Variants in PDCD11 observed in about 807,000 individuals in gnomAD.
The protein encoded by PDCD11 is protein RRP5 homolog.
Under a neutral mutation model 198.9 loss-of-function variants are expected in PDCD11, and 97 were observed. The observed-to-expected ratio is 0.49, with a 90% CI of 0.41 to 0.58. The LOEUF is 0.58. PDCD11 is among the 20% of genes least tolerant of loss of function. The pLI is 0.00. For synonymous variants in PDCD11, 893 were observed against 918.0 expected, an observed-to-expected ratio of 0.97 and a Z score of 0.49; for missense variants, 2,102 against 2,312.7, an observed-to-expected ratio of 0.91 and a Z score of 1.87.
rs748169961 is a variant in PDCD11, at chr10:103,419,698, C to G, written c.2267C>G (p.Ala756Gly). 1.2e-6 allele frequency: 2 copies of G among 1,613,624 alleles called. No individual in the cohort carries two copies. The highest frequency in any genetic ancestry group is 2.2e-5 in the South Asian group (2 of 90,994). The change falls in exon 16 of 36, where the codon GCC becomes GGC. Residue 756 changes from alanine (A) to glycine (G), a missense_variant. By Grantham distance (60) the Ala-to-Gly change is moderately conservative. Coordinates refer to ENST00000369797, the MANE Select transcript of PDCD11 (RefSeq NM_014976.2). ...IQFPSGLSGL[A>G]PKAIMSDKFV... ...TTCCCCTCAGGTCTTAGCGGACTGG[C>G]CCCAAAAGCTGTAAGTTCAACTCCA... is the stretch of plus-strand genomic sequence containing the variant.
Position 103,425,091 on chromosome 10 carries a change from T to C in PDCD11, c.2871T>C (p.Ser957=). The C allele has an allele frequency of 6.2e-7, 1 of 1,614,190 alleles. No homozygotes were observed. Among genetic ancestry groups the C allele is most frequent in the Non-Finnish European group, 8.5e-7 (1 of 1,180,022 alleles). The change falls in exon 20 of 36, where the codon TCT becomes TCC. Residue 957 remains serine, a synonymous_variant. Transcript: ENST00000369797. ...ACCTGGCAGCTTTCTCCCTGACCTC[T>C]CACCTCAACGACACCTTCCGCTTTG... ...TGHLAAFSLT[S]HLNDTFRFDS...
At chr10:103,433,348 T>C (rs1280093774) in intron 22 of PDCD11, among the ~76,000 whole-genome samples, 1 of 151,962 alleles carries the variant, frequency 6.6e-6, no homozygotes, top group Non-Finnish European at 1.5e-5. Flanking sequence ...TACAAAAATT[T>C]AGCCGGGCCT....
Position 103,421,579 on chromosome 10 carries a change from G to T in PDCD11, c.2497+12G>T. On this transcript the variant is annotated intron_variant, in intron 17 of 35. Transcript: ENST00000369797. Reference sequence around the variant, plus strand: ...TATGAGCAACCGAGGTGGGGCACCTGTGGGGCAGGGGAGGTGGGCCAGGGG... The same window carrying T: ...TATGAGCAACCGAGGTGGGGCACCTTTGGGGCAGGGGAGGTGGGCCAGGGG... 6.5e-7 allele frequency: 1 copy of T among 1,546,856 alleles called. No homozygotes were observed. The highest frequency in any genetic ancestry group is 2.2e-4 in the Middle Eastern group (1 of 4,614).
At position 103,440,372 on chromosome 10, in the gene PDCD11, G is replaced by C. The variant is rs2032328324; in HGVS notation, c.4231G>C (p.Glu1411Gln). Residue 1411 changes from glutamate (E) to glutamine (Q), a missense_variant, in exon 29 of 36, where the codon GAA becomes CAA. By Grantham distance (29) the Glu-to-Gln change is conservative. Coordinates refer to ENST00000369797, the MANE Select transcript of PDCD11 (RefSeq NM_014976.2). ...GKPDVLSASL[E>Q]GQLTKQEERK... Reference sequence around the variant, plus strand: ...GCCAGACGTGCTTTCTGCTTCCTTGGAAGGGCAACTTACAAAGCAAGAGGA... The same window carrying C: ...GCCAGACGTGCTTTCTGCTTCCTTGCAAGGGCAACTTACAAAGCAAGAGGA... The C allele has an allele frequency of 6.2e-7, 1 of 1,614,132 alleles. No homozygotes were observed. The highest frequency in any genetic ancestry group is 1.1e-5 in the South Asian group (1 of 91,092).
intron 26 of PDCD11, 143 bp from the exon 27 acceptor site, chr10:103,438,543 A>G: frequency 9.3e-7 from 1 of 1,077,564 alleles, no homozygotes; most frequent in Non-Finnish European, 1.3e-6. Context: ...AGGAGAGAGT[A>G]GAGTTGGGCT....
chr10:103,415,963 C>G (rs926467803), intron 12 of PDCD11, among the ~76,000 whole-genome samples: 1 of 152,220 alleles, frequency 6.6e-6, no homozygotes, highest in African/African-American at 2.4e-5. Flanking sequence ...TCGTTATTGA[C>G]TCAGCAGAGG....
intron 5 of PDCD11, 69 bp from the exon 6 acceptor site, chr10:103,405,916 G>C (rs1469701911): frequency 6.5e-7 from 1 of 1,534,398 alleles, no homozygotes; most frequent in Non-Finnish European, 8.9e-7. Flanking sequence ...GAACATTCAA[G>C]TTTGGATGTT....
rs1423676587 is a variant in PDCD11, at chr10:103,423,529, G to A, written c.2648-14G>A. ...GTTCCAGAAGGATAATCACACTGTG[G>A]TTCTGCACTGCAGGGCAGGAGGTGG... On this transcript the variant is annotated splice_polypyrimidine_tract_variant and intron_variant, in intron 18 of 35. Coordinates refer to ENST00000369797, the MANE Select transcript of PDCD11 (RefSeq NM_014976.2). 1.9e-6 allele frequency: 3 copies of A among 1,566,002 alleles called. No individual in the cohort carries two copies. The highest frequency in any genetic ancestry group is 3.3e-5 in the Admixed American group (2 of 59,956).
intron 27 of PDCD11, among the ~76,000 whole-genome samples, chr10:103,439,362 AAAAAT>A (rs2032283370): frequency 6.6e-6 from 1 of 152,214 alleles, no homozygotes; most frequent in Non-Finnish European, 1.5e-5. Context: ...ATTTAAATTA[AAAAAT>A]ACATAAATGT....
At chr10:103,444,797 A>C in intron 35 of PDCD11, 115 bp downstream of exon 35, 1 of 956,132 alleles carries the variant, frequency 1.0e-6, no homozygotes, top group African/African-American at 1.6e-5. Context: ...AACCAGCTAG[A>C]TGTGATGCCC....
At chr10:103,444,724 G>A (rs769924341) in intron 35 of PDCD11, 42 bp downstream of exon 35, 1 of 1,584,074 alleles carries the variant, frequency 6.3e-7, no homozygotes, top group South Asian at 1.1e-5. Context: ...CTCAGGAGAG[G>A]GCGTGGTAGG....
chr10:103,411,319 TCTTA>T (rs1206611595), intron 8 of PDCD11, among the ~76,000 whole-genome samples: 1 of 152,208 alleles, frequency 6.6e-6, no homozygotes, highest in Non-Finnish European at 1.5e-5. Flanking sequence ...TAAAATGATT[TCTTA>T]CTTTTCTTTT....
At chr10:103,418,332 A>G in intron 14 of PDCD11, 108 bp from the exon 15 acceptor site, 6 of 849,584 alleles carry the variant, frequency 7.1e-6, no homozygotes, top group Non-Finnish European at 1.1e-5. Flanking sequence ...GCTGCCTCTT[A>G]GAGATCCTTG....
At chr10:103,409,362 AAGTT>A (rs936905433) in intron 7 of PDCD11, among the ~76,000 whole-genome samples, 7 of 150,936 alleles carry the variant, frequency 4.6e-5, no homozygotes, top group South Asian at 2.1e-4. Context: ...GAAAATATCT[AAGTT>A]AGTAACAATC....
chr10:103,435,046 A>G (rs1409275041), intron 25 of PDCD11, 71 bp downstream of exon 25: 8 of 1,176,226 alleles, frequency 6.8e-6, no homozygotes, highest in Non-Finnish European at 9.2e-6. Context: ...CGTTGTTGTA[A>G]TACATGACTT....
chr10:103,403,408 G>A, intron 4 of PDCD11, 123 bp downstream of exon 4: 2 of 875,086 alleles, frequency 2.3e-6, no homozygotes, highest in Non-Finnish European at 3.5e-6. Context: ...TTATCATAAA[G>A]GAATTTTTGA....
chr10:103,419,531 C>T lies in PDCD11; in HGVS notation c.2107-7C>T, dbSNP rs775196519. The T allele has an allele frequency of 2.5e-6, 4 of 1,611,950 alleles. No individual in the cohort carries two copies. The South Asian group carries it at 3.3e-5, about 13-fold the overall frequency. On this transcript the variant is annotated splice_polypyrimidine_tract_variant and splice_region_variant and intron_variant, in intron 15 of 35. Coordinates refer to ENST00000369797, the MANE Select transcript of PDCD11 (RefSeq NM_014976.2). ...TTCTGGAACATTCCTTGATGAAGTA[C>T]CACTAGCTTCTTTGCAGGAAGCCAG... is the stretch of plus-strand genomic sequence containing the variant.
At chr10:103,422,547 C>G (rs2031495525) in intron 17 of PDCD11, among the ~76,000 whole-genome samples, 2 of 151,752 alleles carry the variant, frequency 1.3e-5, no homozygotes, top group Admixed American at 1.3e-4. Context: ...TGTGAATTCA[C>G]TCGCCTTTTC....
chr10:103,417,324 G>A (rs758191075), intron 13 of PDCD11, among the ~76,000 whole-genome samples: 12 of 151,908 alleles, frequency 7.9e-5, no homozygotes, highest in Non-Finnish European at 5.9e-5. Flanking sequence ...GGCATGTGCC[G>A]GCATACCCGG....
Sources: allele counts gnomAD v4.1 joint callset (sites outside exome capture counted in the v4.1 genomes callset), GRCh38; gene constraint gnomAD v4.1.1; transcripts MANE v1.5; gene names NCBI Gene and HGNC (gene_info 2026-07-23, HGNC 2026-07-21).